EXOC6B: variants seen among roughly 807,000 people sequenced by gnomAD.
The protein encoded by EXOC6B is exocyst complex component 6B, also known as SEC15 homolog B.
Under a neutral mutation model 113.5 loss-of-function variants are expected in EXOC6B, and 54 were observed. The observed-to-expected ratio is 0.48, with a 90% confidence interval of 0.38 to 0.60. The LOEUF (loss-of-function observed/expected upper bound fraction) is 0.60, where lower values mean the gene tolerates loss of function less well. Ranked by LOEUF, EXOC6B falls within the 20% of genes least tolerant of loss-of-function variation. The pLI is 0.00. For missense variants in EXOC6B, 797 were observed against 977.5 expected (o/e 0.82, Z 2.46); for synonymous variants, 357 against 339.0 (o/e 1.05, Z -0.58).
At chr2:72,698,676 T>C (rs1678067594) in intron 6 of EXOC6B, among the ~76,000 whole-genome samples, 1 of 152,204 alleles carries the variant, frequency 6.6e-6, no homozygotes, top group Non-Finnish European at 1.5e-5. Context: ...AATACAACCT[T>C]ATCCAATTTT....
intron 20 of EXOC6B, among the ~76,000 whole-genome samples, chr2:72,265,508 GT>G (rs1300336048): frequency 6.6e-6 from 1 of 151,082 alleles, no homozygotes; most frequent in African/African-American, 2.4e-5. Context: ...GCAGTGTTTG[GT>G]TTTTTGTCCT....
intron 5 of EXOC6B, among the ~76,000 whole-genome samples, chr2:72,729,543 C>T (rs1284124742): frequency 3.3e-5 from 5 of 151,808 alleles, no homozygotes; most frequent in Middle Eastern, 3.4e-3. Context: ...CATGCCTTGG[C>T]CTCCCAAGTA....
chr2:72,219,039 A>G (rs1245082869), intron 20 of EXOC6B, among the ~76,000 whole-genome samples: 1 of 151,976 alleles, frequency 6.6e-6, no homozygotes, highest in Non-Finnish European at 1.5e-5. Context: ...ACTTAATTGT[A>G]CCTGTGGTTG....
intron 18 of EXOC6B, among the ~76,000 whole-genome samples, chr2:72,456,847 G>A (rs1302143158): frequency 6.6e-6 from 1 of 152,004 alleles, no homozygotes; most frequent in Non-Finnish European, 1.5e-5. Flanking sequence ...TTTAATTCGT[G>A]CCATTTTAAA....
chr2:72,364,740 G>A (rs979407638), intron 19 of EXOC6B, among the ~76,000 whole-genome samples: 13 of 152,112 alleles, frequency 8.5e-5, no homozygotes, highest in Admixed American at 3.9e-4. Flanking sequence ...GAATGTGCAT[G>A]TATTTCAGCT....
intron 18 of EXOC6B, among the ~76,000 whole-genome samples, chr2:72,382,810 T>G (rs557011935): frequency 6.6e-6 from 1 of 152,260 alleles, no homozygotes; most frequent in Non-Finnish European, 1.5e-5. Flanking sequence ...CTGATTTAGC[T>G]CTCTACTTTG....
At chr2:72,820,300 C>T (rs949668734) in intron 1 of EXOC6B, among the ~76,000 whole-genome samples, 1 of 152,148 alleles carries the variant, frequency 6.6e-6, no homozygotes, top group Non-Finnish European at 1.5e-5. Flanking sequence ...AGCACCAAAA[C>T]AACAGCAGCT....
At chr2:72,393,880 G>A (rs1424730810) in intron 18 of EXOC6B, among the ~76,000 whole-genome samples, 2 of 151,662 alleles carry the variant, frequency 1.3e-5, no homozygotes, top group African/African-American at 4.8e-5. Flanking sequence ...CTACTGGCAA[G>A]GACTAATAAT....
chr2:72,604,146 C>T (rs938031444), intron 6 of EXOC6B, among the ~76,000 whole-genome samples: 5 of 152,110 alleles, frequency 3.3e-5, no homozygotes, highest in Non-Finnish European at 7.4e-5. Flanking sequence ...ATTCCCTTAA[C>T]AATTTAGTGA....
chr2:72,578,320 A>C (rs1705000036), intron 6 of EXOC6B, among the ~76,000 whole-genome samples: 1 of 152,044 alleles, frequency 6.6e-6, no homozygotes, highest in Middle Eastern at 3.2e-3. Flanking sequence ...ATAATCTAAC[A>C]CTTAGATTCC....
intron 1 of EXOC6B, among the ~76,000 whole-genome samples, chr2:72,767,702 A>G (rs959539383): frequency 2.0e-5 from 3 of 149,140 alleles, no homozygotes; most frequent in African/African-American, 7.4e-5. Flanking sequence ...GGTCCCAGCT[A>G]CTCAGGAGGC....
chr2:72,825,937 C>T lies in EXOC6B; in HGVS notation c.-27G>A. The T allele has an allele frequency of 6.2e-7, 1 of 1,608,996 alleles. No homozygotes were observed. Among genetic ancestry groups the T allele is most frequent in the Non-Finnish European group, 8.5e-7 (1 of 1,178,938 alleles). ...GACTGGGGGCGCCCCGCAGCGCGTC[C>T]CCTCCGTCGGCTCGGCTCACCTTTT... On this transcript the variant is annotated 5_prime_UTR_variant, in exon 1 of 22. Coordinates refer to ENST00000272427, the MANE Select transcript of EXOC6B (RefSeq NM_015189.3). The surrounding 1 kb of genome is among the most constrained non-coding windows in gnomAD (Gnocchi z 4.4).
At chr2:72,399,009 G>GAA (rs576686166) in intron 18 of EXOC6B, among the ~76,000 whole-genome samples, 109 of 122,670 alleles carry the variant, frequency 8.9e-4, no homozygotes, top group African/African-American at 2.2e-3. Flanking sequence ...CAGTGAAAAA[G>GAA]AAAAAAAAAA....
intron 20 of EXOC6B, among the ~76,000 whole-genome samples, chr2:72,195,972 A>G (rs1249036862): frequency 5.3e-5 from 8 of 152,206 alleles, no homozygotes; most frequent in Non-Finnish European, 2.9e-5. Flanking sequence ...TGTTCTGTCT[A>G]TTAAACTGCA....
At chr2:72,401,562 TATAC>T (rs1207163665) in intron 18 of EXOC6B, among the ~76,000 whole-genome samples, 15 of 32,152 alleles carry the variant, frequency 4.7e-4, no homozygotes, top group African/African-American at 6.3e-4. Flanking sequence ...TATATATATA[TATAC>T]ATATATATAT....
intron 20 of EXOC6B, among the ~76,000 whole-genome samples, chr2:72,265,172 G>A (rs1277629733): frequency 2.0e-5 from 3 of 152,028 alleles, no homozygotes; most frequent in African/African-American, 7.2e-5. Flanking sequence ...AGTCCAGGCT[G>A]AGATGGTCTC....
intron 7 of EXOC6B, among the ~76,000 whole-genome samples, chr2:72,567,172 C>T (rs921611926): frequency 4.6e-5 from 7 of 151,606 alleles, no homozygotes; most frequent in South Asian, 2.1e-4. Flanking sequence ...AAGAAACAAA[C>T]GAACCTAATT....
At chr2:72,342,285 C>T (rs1689075831) in intron 19 of EXOC6B, among the ~76,000 whole-genome samples, 1 of 151,640 alleles carries the variant, frequency 6.6e-6, no homozygotes, top group Non-Finnish European at 1.5e-5. Context: ...GAAATAGAGA[C>T]TAGAAAAAAA....
chr2:72,295,676 A>G (rs1686087964), intron 20 of EXOC6B, among the ~76,000 whole-genome samples: 1 of 152,186 alleles, frequency 6.6e-6, no homozygotes, highest in Non-Finnish European at 1.5e-5. Context: ...CTACTTTCTG[A>G]ATATCAGGAA....
Sources: allele counts gnomAD v4.1 joint callset (sites outside exome capture counted in the v4.1 genomes callset), GRCh38; gene constraint gnomAD v4.1.1; non-coding constraint Gnocchi (gnomAD v3.1); transcripts MANE v1.5; gene names NCBI Gene and HGNC (gene_info 2026-07-23, HGNC 2026-07-21).